FBXW11: variants seen among roughly 807,000 people sequenced by gnomAD.
FBXW11 encodes the protein F-box/WD repeat-containing protein 11.
A neutral mutation model predicts 77.6 loss-of-function variants in FBXW11; 19 were observed. That is an observed-to-expected ratio of 0.24 (90% confidence interval 0.17 to 0.36). The LOEUF (loss-of-function observed/expected upper bound fraction) is 0.36, where lower values mean the gene tolerates loss of function less well. FBXW11 is among the 10% of genes least tolerant of loss of function. The pLI is 1.00. For synonymous variants in FBXW11, 235 were observed against 249.4 expected (o/e 0.94, Z 0.54); for missense variants, 334 against 704.2 (o/e 0.47, Z 5.95).
chr5:172,006,518 C>T lies in FBXW11; in HGVS notation c.-16G>A, dbSNP rs1766789148. ...CGGGCTCCATGGCGGCCCCGGCGGCCCCGCCTCGCTCTCCCCGCGCAGCAG... is the reference window on the plus strand; with the variant it reads ...CGGGCTCCATGGCGGCCCCGGCGGCTCCGCCTCGCTCTCCCCGCGCAGCAG... On this transcript the variant is annotated 5_prime_UTR_variant, in exon 1 of 14. Coordinates refer to ENST00000517395, the MANE Select transcript of FBXW11 (RefSeq NM_001378974.1). The T allele has an allele frequency of 3.3e-6, 5 of 1,502,970 alleles. No homozygotes were observed. Among genetic ancestry groups the T allele is most frequent in the Non-Finnish European group, 4.4e-6 (5 of 1,124,478 alleles). The allele number at this position is 1,502,970 out of a possible 1,614,324, so 93.1% of individuals were successfully genotyped here. A position where few individuals can be genotyped will look rare whatever the true frequency, so the allele number is the denominator to read the frequency against.
chr5:171,918,931 G>A (rs991160737), intron 2 of FBXW11, among the ~76,000 whole-genome samples: 1 of 152,104 alleles, frequency 6.6e-6, no homozygotes, highest in Non-Finnish European at 1.5e-5. Context: ...AGGGATGTGG[G>A]CTCCTAAACT....
At chr5:171,978,307 T>C (rs1198407216) in intron 1 of FBXW11, among the ~76,000 whole-genome samples, 1 of 152,146 alleles carries the variant, frequency 6.6e-6, no homozygotes, top group Non-Finnish European at 1.5e-5. Context: ...CAAAGGAATA[T>C]CAAAGTAAAA....
intron 7 of FBXW11, among the ~76,000 whole-genome samples, chr5:171,889,527 CAAAAAAAAAAA>C (rs34406226): frequency 9.2e-6 from 1 of 109,226 alleles, no homozygotes; most frequent in African/African-American, 3.5e-5. Flanking sequence ...GACTCCATCT[CAAAAAAAAAAA>C]AAAAAAAAAA....
In FBXW11 at chr5:171,885,282, G is replaced by A. The variant is rs74367986; in HGVS notation, c.852+6185C>T. 8.5e-3 allele frequency among the ~76,000 whole-genome samples: 1,288 copies of A among 152,306 alleles called. 13 individuals are homozygous for A. Among genetic ancestry groups the A allele is most frequent in the South Asian group, 0.035 (168 of 4,826 alleles). ...CTGGGATAATCACTGAGAGAATCTG[G>A]TAGAGCTCTTGCAGGTAAAACTCAC... On this transcript the variant is annotated intron_variant, in intron 7 of 13. Coordinates refer to ENST00000517395, the MANE Select transcript of FBXW11 (RefSeq NM_001378974.1).
intron 1 of FBXW11, among the ~76,000 whole-genome samples, chr5:172,004,943 A>C (rs1766644189): frequency 6.6e-6 from 1 of 152,040 alleles, no homozygotes; most frequent in South Asian, 2.1e-4. Flanking sequence ...CCTAGTTTTC[A>C]AGAATGCTAG....
intron 2 of FBXW11, among the ~76,000 whole-genome samples, chr5:171,919,178 C>G (rs1246203830): frequency 6.6e-6 from 1 of 152,006 alleles, no homozygotes; most frequent in Non-Finnish European, 1.5e-5. Context: ...TACTAGAGGT[C>G]CATGGACTTG....
chr5:171,940,043 A>ATATTAT (rs1478462217), intron 2 of FBXW11, among the ~76,000 whole-genome samples: 1 of 152,082 alleles, frequency 6.6e-6, no homozygotes, highest in African/African-American at 2.4e-5. Context: ...TTTTACTGTT[A>ATATTAT]TATTATTATT....
chr5:171,917,324 T>C (rs936510580), intron 2 of FBXW11, among the ~76,000 whole-genome samples: 2 of 152,122 alleles, frequency 1.3e-5, no homozygotes, highest in Admixed American at 6.5e-5. Flanking sequence ...TTACTTAAGA[T>C]GGAAACACAA....
intron 7 of FBXW11, among the ~76,000 whole-genome samples, chr5:171,887,153 T>C (rs1472246554): frequency 6.6e-6 from 1 of 152,226 alleles, no homozygotes; most frequent in Non-Finnish European, 1.5e-5. Flanking sequence ...TGTGAATTTC[T>C]AAGCTGGAGA....
intron 1 of FBXW11, among the ~76,000 whole-genome samples, chr5:171,958,254 T>G (rs1360005226): frequency 2.0e-5 from 3 of 152,202 alleles, no homozygotes. Flanking sequence ...TTGGTTTGTC[T>G]GCTACCAAAA....
intron 1 of FBXW11, among the ~76,000 whole-genome samples, chr5:171,974,579 G>A (rs973851867): frequency 6.6e-6 from 1 of 151,650 alleles, no homozygotes; most frequent in African/African-American, 2.4e-5. Context: ...GGAAGAAGCC[G>A]AGCATAACCT....
rs550357309 is a variant in FBXW11 at position 171,960,536 on chromosome 5, T to C, written c.46-2838A>G. ...TCAAAGGGTAAAAACCATGAAAGCA[T>C]AAGGTATTGATTAGATTCTGCTAAT... is the stretch of plus-strand genomic sequence containing the variant. On this transcript the variant is annotated intron_variant, in intron 1 of 13. Transcript: ENST00000517395. Among the ~76,000 whole-genome samples the C allele has an allele frequency of 2.0e-5, 3 of 152,338 alleles. No individual in the cohort carries two copies. In the East Asian group the frequency reaches 5.8e-4, roughly 29 times the overall value.
At chr5:171,910,845 C>T in intron 3 of FBXW11, 48 bp from the exon 4 acceptor site, 1 of 1,271,264 alleles carries the variant, frequency 7.9e-7, no homozygotes. Context: ...GGAAAGAAAC[C>T]TAATTAATAT....
At chr5:171,874,476 T>A (rs111784247) in intron 9 of FBXW11, among the ~76,000 whole-genome samples, 10 of 152,280 alleles carry the variant, frequency 6.6e-5, no homozygotes, top group African/African-American at 2.4e-4. Flanking sequence ...CCAATTGGTG[T>A]GACTGTGGGA....
At chr5:172,003,001 TTAA>T (rs1766510882) in intron 1 of FBXW11, among the ~76,000 whole-genome samples, 1 of 152,154 alleles carries the variant, frequency 6.6e-6, no homozygotes, top group Admixed American at 6.5e-5. Context: ...CCACACCTTC[TTAA>T]TAAGGATCAG....
intron 1 of FBXW11, among the ~76,000 whole-genome samples, chr5:171,972,829 G>GCCA (rs1764612399): frequency 6.6e-6 from 1 of 152,200 alleles, no homozygotes; most frequent in South Asian, 2.1e-4. Flanking sequence ...ACAGGCGTGA[G>GCCA]CCACCGTGCC....
chr5:171,904,382 C>T lies in FBXW11; in HGVS notation c.437-4282G>A, dbSNP rs981316053. ...GCTGCAACATCCCCATCATCTGTGA[C>T]GGGAAAGCAGCACCCAAACCTTCAA... On this transcript the variant is annotated intron_variant, in intron 4 of 13. Transcript: ENST00000517395. The surrounding 1 kb of genome is among the most constrained non-coding windows in gnomAD (Gnocchi z 4.0). Among the ~76,000 whole-genome samples the T allele has an allele frequency of 2.6e-5, 4 of 151,914 alleles. No homozygotes were observed. Among genetic ancestry groups the T allele is most frequent in the Admixed American group, 6.6e-5 (1 of 15,244 alleles).
intron 2 of FBXW11, among the ~76,000 whole-genome samples, chr5:171,922,001 G>A (rs1761626338): frequency 6.8e-6 from 1 of 146,844 alleles, no homozygotes; most frequent in Non-Finnish European, 1.5e-5. Context: ...AGCTTCCCAA[G>A]TCACTGGGAT....
At chr5:171,915,348 T>C (rs1224605304) in intron 2 of FBXW11, among the ~76,000 whole-genome samples, 1 of 152,248 alleles carries the variant, frequency 6.6e-6, no homozygotes, top group Non-Finnish European at 1.5e-5. Flanking sequence ...CTGTTTGTTG[T>C]CTTTAGGGAA....
Sources: allele counts gnomAD v4.1 joint callset (sites outside exome capture counted in the v4.1 genomes callset), GRCh38; gene constraint gnomAD v4.1.1; non-coding constraint Gnocchi (gnomAD v3.1); transcripts MANE v1.5; gene names NCBI Gene and HGNC (gene_info 2026-07-23, HGNC 2026-07-21).